CIART: variants seen among roughly 807,000 people sequenced by gnomAD.
The protein encoded by CIART is circadian-associated transcriptional repressor.
A neutral mutation model predicts 22.1 loss-of-function variants in CIART; 7 were observed. The ratio of observed to expected loss-of-function variants is 0.32; its 90% CI spans 0.18 to 0.59. The LOEUF is 0.59. Among genes scored for constraint, CIART ranks in the 20% least tolerant of loss-of-function variants. The pLI is 0.86. For synonymous variants in CIART, 163 were observed against 174.6 expected (o/e 0.93, Z 0.53); for missense variants, 440 against 478.0 (o/e 0.92, Z 0.74).
chr1:150,284,152 G>A (rs1653344437), intron 2 of CIART, among the ~76,000 whole-genome samples: 1 of 151,802 alleles, frequency 6.6e-6, no homozygotes, highest in African/African-American at 2.4e-5. Context: ...CCAGTCGCTG[G>A]GATTACAGGC....
intron 4 of CIART, chr1:150,285,208 A>G (rs927257958): frequency 1.7e-5 from 3 of 176,426 alleles, no homozygotes; most frequent in South Asian, 2.6e-4. Context: ...CACCAATAGC[A>G]GCAGTGTTGA....
At position 150,286,988 on chromosome 1, in the gene CIART, A is replaced by C. The variant is rs9126; in HGVS notation, c.*34A>C. The C allele has an allele frequency of 0.41, 593,895 of 1,463,292 alleles. 124,663 individuals carry two copies. The highest frequency in any genetic ancestry group is 0.66 in the East Asian group (28,791 of 43,504). The allele number at this position is 1,463,292 out of a possible 1,614,324, so 90.6% of individuals were successfully genotyped here. A position where few individuals can be genotyped will look rare whatever the true frequency, so the allele number is the denominator to read the frequency against. ...ATACAGCTGTCCACTGTGACTTCTAATTTGTGTAAATATTTATGTATATAT... is the reference window on the plus strand; with the variant it reads ...ATACAGCTGTCCACTGTGACTTCTACTTTGTGTAAATATTTATGTATATAT... On this transcript the variant is annotated 3_prime_UTR_variant, in exon 5 of 5. Coordinates refer to ENST00000290363, the MANE Select transcript of CIART (RefSeq NM_144697.4).
intron 4 of CIART, 130 bp from the exon 5 acceptor site, chr1:150,286,300 G>A: frequency 1.2e-6 from 1 of 800,338 alleles, no homozygotes; most frequent in Non-Finnish European, 2.0e-6. Flanking sequence ...GATCATATCT[G>A]TTGCATAAAA....
chr1:150,283,783 C>T, intron 1 of CIART, 22 bp from the exon 2 acceptor site: 2 of 1,558,556 alleles, frequency 1.3e-6, no homozygotes, highest in South Asian at 1.1e-5. Flanking sequence ...CTTCTTACAG[C>T]CTTTGTCCTA....
rs782708664 is a variant in CIART at position 150,284,482 on chromosome 1, G to A, written c.499G>A (p.Val167Ile). Residue 167 changes from valine (V) to isoleucine (I), a missense_variant, in exon 3 of 5, where the codon GTT (valine) becomes ATT (isoleucine). Transcript: ENST00000290363. ...AMDRIQRIVGVLQKPQMGERY... is the reference protein window; with the variant it reads ...AMDRIQRIVGILQKPQMGERY... ...GGACAGGATCCAGCGTATTGTAGGTGTTTTGCAGAAGCCACAGATGGGGTA... is the reference window on the plus strand; with the variant it reads ...GGACAGGATCCAGCGTATTGTAGGTATTTTGCAGAAGCCACAGATGGGGTA... 10 of 1,612,814 alleles carry A rather than the reference G, an allele frequency of 6.2e-6. No individual in the cohort carries two copies. The Admixed American group carries it at 1.5e-4, about 24-fold the overall frequency.
At chr1:150,285,130 T>C in intron 4 of CIART, 1 of 206,458 alleles carries the variant, frequency 4.8e-6, no homozygotes, top group South Asian at 7.3e-5. Context: ...CTTTGACAGT[T>C]TTTGAGTCTA....
At position 150,283,866 on chromosome 1, in the gene CIART, G is replaced by A. The variant is rs781867035; in HGVS notation, c.428G>A (p.Gly143Asp). The A allele has an allele frequency of 6.3e-7, 1 of 1,583,398 alleles. No individual in the cohort carries two copies. Among genetic ancestry groups the A allele is most frequent in the South Asian group, 1.1e-5 (1 of 89,996 alleles). ...LTDLLNGLKM[G>D]RFERGLSSFQ... is the part of the protein sequence containing the mutation. ...GACCTACTCAATGGGCTGAAGATGGGTCGTTTTGAGAGAGGTAATCTTATT... is the reference window on the plus strand; with the variant it reads ...GACCTACTCAATGGGCTGAAGATGGATCGTTTTGAGAGAGGTAATCTTATT... The change falls in exon 2 of 5, where the codon GGT (glycine) becomes GAT (aspartate). Residue 143 changes from glycine (G) to aspartate (D), a missense_variant. Transcript: ENST00000290363.
chr1:150,283,954 C>T (rs1422518650), intron 2 of CIART, 74 bp downstream of exon 2: 1 of 1,203,564 alleles, frequency 8.3e-7, no homozygotes, highest in Non-Finnish European at 1.2e-6. Flanking sequence ...GTGTATTTCT[C>T]TGAAGTTCTT....
chr1:150,286,694 G>A lies in CIART; in HGVS notation c.898G>A (p.Val300Met). Residue 300 changes from valine (V) to methionine (M), a missense_variant, in exon 5 of 5, where the codon GTG becomes ATG. Coordinates refer to ENST00000290363, the MANE Select transcript of CIART (RefSeq NM_144697.4). Reference sequence around the variant, plus strand: ...CGTCATTCTTTTCCTCCAGCATGGAGTGCAACCCTTCACCCACTCTGCCCC... The same window carrying A: ...CGTCATTCTTTTCCTCCAGCATGGAATGCAACCCTTCACCCACTCTGCCCC... ...IGVILFLQHG[V>M]QPFTHSAPTT... The A allele has an allele frequency of 6.2e-7, 1 of 1,614,066 alleles. No homozygotes were observed. The highest frequency in any genetic ancestry group is 8.5e-7 in the Non-Finnish European group (1 of 1,179,990).
Position 150,286,536 on chromosome 1 carries a change from C to G in CIART, c.740C>G (p.Pro247Arg). The G allele has an allele frequency of 6.2e-7, 1 of 1,600,150 alleles. No homozygotes were observed. The highest frequency in any genetic ancestry group is 8.6e-7 in the Non-Finnish European group (1 of 1,167,340). Residue 247 changes from proline (P) to arginine (R), a missense_variant, in exon 5 of 5, where the codon CCT becomes CGT. Pro to Arg is a moderately radical substitution (Grantham distance 103). Coordinates refer to ENST00000290363, the MANE Select transcript of CIART (RefSeq NM_144697.4). ...CATCTAGCTTTAAAACCAAAGCAGC[C>G]TTGGCACCTCACACAATGGCCAGCT... ...LGHLALKPKQ[P>R]WHLTQWPAMN...
At position 150,286,543 on chromosome 1, in the gene CIART, C is replaced by T; in HGVS notation, c.747C>T (p.His249=). 6.2e-7 allele frequency: 1 copy of T among 1,602,410 alleles called. No homozygotes were observed. The highest frequency in any genetic ancestry group is 8.6e-7 in the Non-Finnish European group (1 of 1,169,378). ...HLALKPKQPW[H]LTQWPAMNLT... is the part of the protein sequence containing the mutation. ...CTTTAAAACCAAAGCAGCCTTGGCA[C>T]CTCACACAATGGCCAGCTATGAACC... The change falls in exon 5 of 5, where the codon CAC becomes CAT. Residue 249 remains histidine (H), a synonymous_variant. Coordinates refer to ENST00000290363, the MANE Select transcript of CIART (RefSeq NM_144697.4).
At position 150,286,412 on chromosome 1, in the gene CIART, C is replaced by G; in HGVS notation, c.634-18C>G. ...GCTTTCTCCACATTTCTTTTTTTCT[C>G]ATTTCTCCCCTCTCTAGCATTTTCC... On this transcript the variant is annotated intron_variant, in intron 4 of 4. Transcript: ENST00000290363. The G allele has an allele frequency of 1.3e-6, 2 of 1,533,374 alleles. No individual in the cohort carries two copies. Among genetic ancestry groups the G allele is most frequent in the Non-Finnish European group, 9.0e-7 (1 of 1,113,800 alleles). 95.0% of individuals were successfully genotyped at this position (1,533,374 alleles called of 1,614,324 possible).
Position 150,283,620 on chromosome 1 carries a change from T to C in CIART, c.353T>C (p.Leu118Pro). 2 of 1,613,698 alleles carry C rather than the reference T, an allele frequency of 1.2e-6. No individual in the cohort carries two copies. The highest frequency in any genetic ancestry group is 1.7e-6 in the Non-Finnish European group (2 of 1,179,700). Residue 118 changes from leucine to proline, a missense_variant, in exon 1 of 5, where the codon CTG becomes CCG. By Grantham distance (98) the Leu-to-Pro change is moderately conservative (BLOSUM62 -3). Transcript: ENST00000290363. ...GGTTGTACCACAGAGGGAGACCTGC[T>C]GTTTGCCCAGAAGGTAAGAGAAAGC... ...TQGCTTEGDL[L>P]FAQKCKELQG...
rs782809643 is a variant in CIART, at chr1:150,283,413, T to A, written c.146T>A (p.Val49Asp). The change falls in exon 1 of 5, where the codon GTT becomes GAT. Residue 49 changes from valine to aspartate, a missense_variant. Val to Asp is a radical substitution (Grantham distance 152). Coordinates refer to ENST00000290363, the MANE Select transcript of CIART (RefSeq NM_144697.4). The stretch of plus-strand genomic sequence containing the variant: ...GCCCATGGGCCCAGGCCAGACACTG[T>A]TGGGCAGAGGGGAGGTTCACGGCCC... ...KGAHGPRPDT[V>D]GQRGGSRPSP... The A allele has an allele frequency of 1.2e-6, 2 of 1,614,138 alleles. No individual in the cohort carries two copies. The highest frequency in any genetic ancestry group is 4.5e-5 in the East Asian group (2 of 44,880).
At position 150,283,456 on chromosome 1, in the gene CIART, C is replaced by T; in HGVS notation, c.189C>T (p.Arg63=). 1 of 1,614,230 alleles carries T rather than the reference C, an allele frequency of 6.2e-7. No homozygotes were observed. The highest frequency in any genetic ancestry group is 8.5e-7 in the Non-Finnish European group (1 of 1,180,048). Residue 63 remains arginine (R), a synonymous_variant, in exon 1 of 5, where the codon CGC becomes CGT. Coordinates refer to ENST00000290363, the MANE Select transcript of CIART (RefSeq NM_144697.4). ...GGSRPSPGPI[R]CRHRSKVSGN... ...CACGGCCCAGCCCGGGTCCTATCCG[C>T]TGCAGGCATCGATCGAAGGTTTCCG...
intron 4 of CIART, among the ~76,000 whole-genome samples, chr1:150,286,056 G>A (rs1280748740): frequency 5.3e-5 from 8 of 151,882 alleles, no homozygotes; most frequent in African/African-American, 7.3e-5. Flanking sequence ...TAGAATATTC[G>A]AATTTAAATA....
At position 150,283,397 on chromosome 1, in the gene CIART, C is replaced by T; in HGVS notation, c.130C>T (p.Pro44Ser). Residue 44 changes from proline to serine, a missense_variant, in exon 1 of 5, where the codon CCC (proline) becomes TCC (serine). Transcript: ENST00000290363. ...GAGGGAGGACAAGGGGGCCCATGGG[C>T]CCAGGCCAGACACTGTTGGGCAGAG... ...SEREDKGAHG[P>S]RPDTVGQRGG... The T allele has an allele frequency of 6.2e-7, 1 of 1,613,284 alleles. No homozygotes were observed. Among genetic ancestry groups the T allele is most frequent in the East Asian group, 2.2e-5 (1 of 44,868 alleles).
intron 2 of CIART, 77 bp from the exon 3 acceptor site, chr1:150,284,349 A>T: frequency 7.4e-7 from 1 of 1,346,664 alleles, no homozygotes. Context: ...AATCAATTTT[A>T]ACCCCCTTCT....
chr1:150,287,005 T>G lies in CIART; in HGVS notation c.*51T>G, dbSNP rs1475200861. ...GACTTCTAATTTGTGTAAATATTTA[T>G]GTATATATGTATTTTTACTATTAAT... On this transcript the variant is annotated 3_prime_UTR_variant, in exon 5 of 5. Transcript: ENST00000290363. 4 of 1,411,080 alleles carry G rather than the reference T, an allele frequency of 2.8e-6. No homozygotes were observed. The African/African-American group carries it at 5.8e-5, about 20-fold the overall frequency. 87.4% of individuals were successfully genotyped at this position (1,411,080 alleles called of 1,614,324 possible).
Sources: gnomAD v4.1 joint callset for allele counts (sites outside exome capture counted in the v4.1 genomes callset) on GRCh38, gnomAD v4.1.1 for gene constraint, MANE v1.5 for transcripts, NCBI Gene and HGNC (gene_info 2026-07-23, HGNC 2026-07-21) for gene names.